SLIT3: variants seen among roughly 807,000 people sequenced by gnomAD.
SLIT3 encodes the protein slit guidance ligand 3, also known as slit homolog 3 protein.
In SLIT3, 68 loss-of-function variants were observed where a neutral mutation model predicts 184.0. The ratio of observed to expected loss-of-function variants is 0.37; its 90% CI spans 0.30 to 0.45. SLIT3 has a LOEUF of 0.45. SLIT3 is among the 20% of genes least tolerant of loss of function. The pLI is 1.00. For synonymous variants in SLIT3, 831 were observed against 828.6 expected, an observed-to-expected ratio of 1.00 and a Z score of -0.05; for missense variants, 1,707 against 2,026.0, an observed-to-expected ratio of 0.84 and a Z score of 3.02.
intron 6 of SLIT3, among the ~76,000 whole-genome samples, chr5:168,834,496 G>A (rs967782120): frequency 6.6e-6 from 1 of 151,174 alleles, no homozygotes; most frequent in Non-Finnish European, 1.5e-5. Context: ...GTTTGAGACC[G>A]GGGGGTCCAA....
intron 4 of SLIT3, among the ~76,000 whole-genome samples, chr5:168,989,713 C>T (rs1238430515): frequency 6.6e-6 from 1 of 152,080 alleles, no homozygotes; most frequent in Non-Finnish European, 1.5e-5. Context: ...CCATAGCCAC[C>T]CTAAAACGAG....
intron 6 of SLIT3, among the ~76,000 whole-genome samples, chr5:168,839,386 C>T (rs1758164189): frequency 6.6e-6 from 1 of 152,178 alleles, no homozygotes. Context: ...GGGTCAGTGG[C>T]AGAGTGGGGT....
chr5:168,787,342 T>C (rs1468894992), intron 11 of SLIT3, among the ~76,000 whole-genome samples: 3 of 152,182 alleles, frequency 2.0e-5, no homozygotes, highest in African/African-American at 7.2e-5. Context: ...ATAGCAGGCT[T>C]CTGAGCCCAG....
chr5:168,764,784 G>A (rs546723897), intron 14 of SLIT3, among the ~76,000 whole-genome samples: 39 of 152,202 alleles, frequency 2.6e-4, no homozygotes, highest in South Asian at 1.2e-3. Context: ...AGCAAACTCC[G>A]TGCACGTATC....
chr5:168,776,105 T>C (rs1170611135), intron 12 of SLIT3, among the ~76,000 whole-genome samples: 1 of 152,108 alleles, frequency 6.6e-6, no homozygotes, highest in Non-Finnish European at 1.5e-5. Context: ...GAATGACACA[T>C]GAGATGGATG....
At position 168,773,802 on chromosome 5, in the gene SLIT3, AGGAGTGGGCTATCTGCAGAAAT is replaced by A. The variant is rs1306405899; in HGVS notation, c.1295+411_1295+432del. Among the ~76,000 whole-genome samples, 22 of 152,240 alleles carry A rather than the reference AGGAGTGGGCTATCTGCAGAAAT, an allele frequency of 1.4e-4. 1 individual carries two copies. The South Asian group carries it at 4.6e-3, about 32-fold the overall frequency. On this transcript the variant is annotated intron_variant, in intron 13 of 35. Transcript: ENST00000519560. ...AGGGTGGAGGGGGTTAAGCGGGGGC[AGGAGTGGGCTATCTGCAGAAAT>A]GGAGTCTGCTCAGAATACAGTGACC...
Position 168,670,078 on chromosome 5 carries a change from G to A in SLIT3, c.4128-87C>T. On this transcript the variant is annotated intron_variant, in intron 34 of 35. Coordinates refer to ENST00000519560, the MANE Select transcript of SLIT3 (RefSeq NM_003062.4). Reference sequence around the variant, plus strand: ...CTCTGTCCACCCAGCCAGGGACCAGGGGACCCGGAGCTGAGTACAGTCCAA... The same window carrying A: ...CTCTGTCCACCCAGCCAGGGACCAGAGGACCCGGAGCTGAGTACAGTCCAA... The A allele has an allele frequency of 1.5e-5, 17 of 1,102,064 alleles. No homozygotes were observed. In the South Asian group the frequency reaches 2.1e-4, roughly 14 times the overall value. The allele number at this position is 1,102,064 out of a possible 1,614,324, so 68.3% of individuals were successfully genotyped here. A position where few individuals can be genotyped will look rare whatever the true frequency, so the allele number is the denominator to read the frequency against.
intron 4 of SLIT3, among the ~76,000 whole-genome samples, chr5:168,938,786 G>A (rs559194732): frequency 4.6e-5 from 7 of 152,008 alleles, no homozygotes; most frequent in Admixed American, 3.3e-4. Flanking sequence ...GTGCACCACC[G>A]TGCCTGGCTA....
intron 5 of SLIT3, among the ~76,000 whole-genome samples, chr5:168,848,321 C>T (rs1758554438): frequency 6.6e-6 from 1 of 152,214 alleles, no homozygotes; most frequent in Non-Finnish European, 1.5e-5. Context: ...GGGCTAAGCA[C>T]CTTCCCTGCT....
intron 4 of SLIT3, among the ~76,000 whole-genome samples, chr5:168,951,311 T>TG (rs1357253346): frequency 6.6e-6 from 1 of 152,128 alleles, no homozygotes; most frequent in African/African-American, 2.4e-5. Context: ...ATCTAAGCCA[T>TG]GGGGGGCAGG....
At chr5:169,055,491 G>C (rs376594136) in intron 4 of SLIT3, among the ~76,000 whole-genome samples, 1 of 152,202 alleles carries the variant, frequency 6.6e-6, no homozygotes, top group Non-Finnish European at 1.5e-5. Flanking sequence ...TCAAGTAACA[G>C]CAAAAAGGCC....
Position 168,853,859 on chromosome 5 carries a change from C to T in SLIT3, c.486-9204G>A, listed in dbSNP as rs140844967. Among the ~76,000 whole-genome samples the T allele has an allele frequency of 1.4e-3, 213 of 152,286 alleles. 2 individuals are homozygous for T. Among genetic ancestry groups the T allele is most frequent in the African/African-American group, 5.0e-3 (208 of 41,552 alleles). On this transcript the variant is annotated intron_variant, in intron 5 of 35. Coordinates refer to ENST00000519560, the MANE Select transcript of SLIT3 (RefSeq NM_003062.4). ...ACTTATGCTTGTCCTTGCCCCCTAC[C>T]CTGTTTGTGAAATCCCTCCTCATTC... is the stretch of plus-strand genomic sequence containing the variant.
intron 4 of SLIT3, among the ~76,000 whole-genome samples, chr5:168,926,720 G>A (rs1761838057): frequency 2.2e-5 from 1 of 46,414 alleles, no homozygotes; most frequent in Non-Finnish European, 3.7e-5. Flanking sequence ...CTACGAAGAA[G>A]ACTTGGATAG....
At chr5:169,269,993 T>C (rs1470605463) in intron 1 of SLIT3, among the ~76,000 whole-genome samples, 1 of 152,172 alleles carries the variant, frequency 6.6e-6, no homozygotes, top group East Asian at 1.9e-4. Flanking sequence ...TGTAGGTCTG[T>C]TTGTGAAAAA....
intron 4 of SLIT3, chr5:169,026,484 T>TC: frequency 6.6e-6 from 1 of 152,258 alleles, no homozygotes; most frequent in South Asian, 2.1e-4. Context: ...ACTAAGTGAA[T>TC]CATGACACAA....
intron 11 of SLIT3, among the ~76,000 whole-genome samples, chr5:168,786,663 G>A (rs1188722768): frequency 2.6e-5 from 4 of 152,152 alleles, no homozygotes; most frequent in Non-Finnish European, 5.9e-5. Context: ...TCATACTGGT[G>A]TCTCTGATTC....
At chr5:169,033,788 G>A (rs1179020751) in intron 4 of SLIT3, among the ~76,000 whole-genome samples, 2 of 144,246 alleles carry the variant, frequency 1.4e-5, no homozygotes, top group South Asian at 4.5e-4. Context: ...ATTGGGTTAT[G>A]TGGTTTTTCC....
intron 3 of SLIT3, among the ~76,000 whole-genome samples, chr5:169,199,736 C>G (rs1358040086): frequency 6.6e-6 from 1 of 152,206 alleles, no homozygotes; most frequent in Non-Finnish European, 1.5e-5. Context: ...CAGGTGCCTG[C>G]TGCTAAGCCT....
Position 168,948,166 on chromosome 5 carries a change from C to T in SLIT3, c.414-64830G>A, listed in dbSNP as rs371067041. 7.7e-4 allele frequency among the ~76,000 whole-genome samples: 117 copies of T among 152,278 alleles called. 4 individuals carry two copies. The South Asian group carries it at 0.023, about 30-fold the overall frequency. On this transcript the variant is annotated intron_variant, in intron 4 of 35. Transcript: ENST00000519560. ...TGAATGACTGTGTGCCACACTTTCC[C>T]TTCTCTGCCGGACCTGACGCGCCAC...
Sources: allele counts gnomAD v4.1 joint callset (sites outside exome capture counted in the v4.1 genomes callset), GRCh38; gene constraint gnomAD v4.1.1; transcripts MANE v1.5; gene names NCBI Gene and HGNC (gene_info 2026-07-23, HGNC 2026-07-21).